The following DLX1 variants were observed in gnomAD, a reference collection of about 807,000 sequenced individuals.
The protein encoded by DLX1 is distal-less homeobox 1.
A neutral mutation model predicts 25.0 loss-of-function variants in DLX1; 7 were observed. The ratio of observed to expected loss-of-function variants is 0.28; its 90% CI spans 0.16 to 0.52. The LOEUF (loss-of-function observed/expected upper bound fraction) is 0.52, where lower values mean the gene tolerates loss of function less well. DLX1 is among the 20% of genes least tolerant of loss of function. DLX1 has a pLI of 0.96. For missense variants in DLX1, 233 were observed against 334.4 expected (o/e 0.70, Z 2.37); for synonymous variants, 155 against 140.3 (o/e 1.10, Z -0.74).
chr2:172,087,381 C>T (rs1370904132), intron 2 of DLX1: 1 of 398,542 alleles, frequency 2.5e-6, no homozygotes, highest in East Asian at 7.2e-5. Flanking sequence ...CTCCGGGGAG[C>T]CCGTGAGCGT....
At chr2:172,087,569 G>T (rs929385256) in intron 2 of DLX1, 4 of 466,016 alleles carry the variant, frequency 8.6e-6, no homozygotes, top group African/African-American at 4.0e-5. Flanking sequence ...GCATAGAAAA[G>T]TTGGGTCGCG....
chr2:172,087,982 C>A (rs772572784), intron 2 of DLX1, 21 bp from the exon 3 acceptor site: 1 of 1,505,194 alleles, frequency 6.6e-7, no homozygotes, highest in Non-Finnish European at 8.9e-7. Flanking sequence ...GCCTGAGTCA[C>A]GTTGTTGTCC....
At chr2:172,087,910 A>C in intron 2 of DLX1, 93 bp from the exon 3 acceptor site, 1 of 1,491,194 alleles carries the variant, frequency 6.7e-7, no homozygotes, top group East Asian at 2.3e-5. Flanking sequence ...GGGAGGTCCT[A>C]TCTCTGCTGT....
intron 2 of DLX1, 191 bp downstream of exon 2, chr2:172,087,044 C>G (rs570447850): frequency 2.4e-5 from 18 of 734,720 alleles, no homozygotes; most frequent in Non-Finnish European, 4.5e-5. Context: ...TCACTGCTCT[C>G]GGTATCCCGA....
rs1223602112 is a variant in DLX1 at position 172,088,994 on chromosome 2, A to T, written c.*737A>T. 1 of 152,216 alleles carries T rather than the reference A, an allele frequency of 6.6e-6. No individual in the cohort carries two copies. The highest frequency in any genetic ancestry group is 1.5e-5 in the Non-Finnish European group (1 of 68,032). The allele number at this position is 152,216 out of a possible 1,614,324, so 9.4% of individuals were successfully genotyped here. ...CGTGGTGATTTTTAATTTATACAGTAACTTTTGTACTTCTCTGGTATGGAG... is the reference window on the plus strand; with the variant it reads ...CGTGGTGATTTTTAATTTATACAGTTACTTTTGTACTTCTCTGGTATGGAG... On this transcript the variant is annotated 3_prime_UTR_variant, in exon 3 of 3. Transcript: ENST00000361725.
rs1368765943 is a variant in DLX1 at position 172,088,227 on chromosome 2, A to G, written c.738A>G (p.Gln246=). ...CATCGTGGTACCCTTCAGCGCACCA[A>G]GAAGCTATGCAGCAACCCCAACTTA... ...SYTSWYPSAH[Q]EAMQQPQLM is the part of the protein sequence containing the mutation. Residue 246 remains glutamine, a synonymous_variant, in exon 3 of 3, where the codon CAA becomes CAG. Coordinates refer to ENST00000361725, the MANE Select transcript of DLX1 (RefSeq NM_178120.5). 8 of 1,559,164 alleles carry G rather than the reference A, an allele frequency of 5.1e-6. No homozygotes were observed. Among genetic ancestry groups the G allele is most frequent in the Non-Finnish European group, 6.9e-6 (8 of 1,152,428 alleles).
rs1363724884 is a variant in DLX1, at chr2:172,088,480, G to A, written c.*223G>A. 1 of 482,854 alleles carries A rather than the reference G, an allele frequency of 2.1e-6. No individual in the cohort carries two copies. Among genetic ancestry groups the A allele is most frequent in the Non-Finnish European group, 3.3e-6 (1 of 303,662 alleles). The allele number at this position is 482,854 out of a possible 1,614,324, so 29.9% of individuals were successfully genotyped here. ...GGCCGAGCAGTGGCAGCAGAGAGTG[G>A]CCTCGGAGGGAAGCCACTGCCACCT... On this transcript the variant is annotated 3_prime_UTR_variant, in exon 3 of 3. Transcript: ENST00000361725.
intron 2 of DLX1, 26 bp downstream of exon 2, chr2:172,086,879 T>C (rs1690847412): frequency 1.9e-6 from 3 of 1,613,606 alleles, no homozygotes; most frequent in Non-Finnish European, 2.5e-6. Context: ...CGCTCCGTTC[T>C]GCCACGCAGG....
chr2:172,086,601 C>G, intron 1 of DLX1, 53 bp from the exon 2 acceptor site: 2 of 1,493,852 alleles, frequency 1.3e-6, no homozygotes, highest in South Asian at 2.7e-5. Flanking sequence ...GCTGTTCGCA[C>G]TAAAGGCGGC....
chr2:172,088,178 C>T lies in DLX1; in HGVS notation c.689C>T (p.Ala230Val), dbSNP rs1401140731. ...TCCGGGAAGGGCTCAGGAGGAAACG[C>T]GGGCTCCTATATCCCCAGCTACACA... ...SSSGKGSGGN[A>V]GSYIPSYTSW... Residue 230 changes from alanine to valine, a missense_variant, in exon 3 of 3, where the codon GCG becomes GTG. Physicochemically the swap from Ala to Val is moderately conservative, Grantham distance 64 (BLOSUM62 0). This residue lies in a region of DLX1 where 84 missense variants were observed against 81.8 expected (regional missense o/e 1.03). Coordinates refer to ENST00000361725, the MANE Select transcript of DLX1 (RefSeq NM_178120.5). 5.6e-6 allele frequency: 9 copies of T among 1,609,780 alleles called. No homozygotes were observed. The highest frequency in any genetic ancestry group is 7.6e-6 in the Non-Finnish European group (9 of 1,177,890).
In DLX1 at chr2:172,088,415, A is replaced by G. The variant is rs1333467218; in HGVS notation, c.*158A>G. ...GGAGCCCCGCGAGGTCCGGCCCAGCAACTTCCCGGCATCCGCGCTCTAGCC... is the reference window on the plus strand; with the variant it reads ...GGAGCCCCGCGAGGTCCGGCCCAGCGACTTCCCGGCATCCGCGCTCTAGCC... On this transcript the variant is annotated 3_prime_UTR_variant, in exon 3 of 3. Coordinates refer to ENST00000361725, the MANE Select transcript of DLX1 (RefSeq NM_178120.5). The G allele has an allele frequency of 4.0e-5, 39 of 978,016 alleles. No individual in the cohort carries two copies. Among genetic ancestry groups the G allele is most frequent in the Non-Finnish European group, 4.7e-5 (34 of 730,260 alleles). The allele number at this position is 978,016 out of a possible 1,614,324, so 60.6% of individuals were successfully genotyped here.
At chr2:172,086,511 C>G (rs145545654) in intron 1 of DLX1, 143 bp from the exon 2 acceptor site, 2 of 822,778 alleles carry the variant, frequency 2.4e-6, no homozygotes, top group Non-Finnish European at 3.7e-6. Context: ...TTTGGGGGAC[C>G]CTTCCCTGGC....
intron 1 of DLX1, 166 bp from the exon 2 acceptor site, chr2:172,086,488 C>T: frequency 1.5e-6 from 1 of 646,752 alleles, no homozygotes. Context: ...CGTCCCGGGA[C>T]AGGCCCTCGG....
At position 172,085,517 on chromosome 2, in the gene DLX1, T is replaced by C. The variant is rs1690819047; in HGVS notation, c.-161T>C. ...GAGTTTGGGGAGCTCAGCAGCATCA[T>C]GCTTAGACTTTTCAAAGAGACAAAC... On this transcript the variant is annotated 5_prime_UTR_variant, in exon 1 of 3. An upstream start codon of the reference 5' UTR is lost. Transcript: ENST00000361725. This position sits in a 1 kb window ranked among gnomAD's most constrained non-coding sequence, Gnocchi z 4.3. The C allele has an allele frequency of 4.1e-6, 3 of 726,530 alleles. No individual in the cohort carries two copies. The highest frequency in any genetic ancestry group is 1.9e-5 in the South Asian group (1 of 53,470). 45.0% of individuals were successfully genotyped at this position (726,530 alleles called of 1,614,324 possible). A position where few individuals can be genotyped will look rare whatever the true frequency, so the allele number is the denominator to read the frequency against.
rs2105517909 is a variant in DLX1 at position 172,085,602 on chromosome 2, T to A, written c.-76T>A. Reference sequence around the variant, plus strand: ...GTTCCGCTTAAATTGGGTTCCTTCCTGTCCTGAGAAACATAGAGACCCCCA... The same window carrying A: ...GTTCCGCTTAAATTGGGTTCCTTCCAGTCCTGAGAAACATAGAGACCCCCA... On this transcript the variant is annotated 5_prime_UTR_variant, in exon 1 of 3. Coordinates refer to ENST00000361725, the MANE Select transcript of DLX1 (RefSeq NM_178120.5). This position sits in a 1 kb window ranked among gnomAD's most constrained non-coding sequence, Gnocchi z 4.3. 5 of 1,474,138 alleles carry A rather than the reference T, an allele frequency of 3.4e-6. No homozygotes were observed. In the East Asian group the frequency reaches 1.1e-4, roughly 33 times the overall value. 91.3% of individuals were successfully genotyped at this position (1,474,138 alleles called of 1,614,324 possible).
In DLX1 at chr2:172,088,389, C is replaced by G. The variant is rs950692693; in HGVS notation, c.*132C>G. 2.5e-6 allele frequency: 3 copies of G among 1,218,094 alleles called. No homozygotes were observed. Among genetic ancestry groups the G allele is most frequent in the Non-Finnish European group, 2.1e-6 (2 of 935,442 alleles). The allele number at this position is 1,218,094 out of a possible 1,614,324, so 75.5% of individuals were successfully genotyped here. On this transcript the variant is annotated 3_prime_UTR_variant, in exon 3 of 3. Transcript: ENST00000361725. ...GGAGGCGGGACGCCCTCCATCTCCT[C>G]GGAGCCCCGCGAGGTCCGGCCCAGC...
rs758150939 is a variant in DLX1, at chr2:172,085,912, G to T, written c.235G>T (p.Ala79Ser). ...YPYVNSVSSH[A>S]SSPYISSVQS... ...CTACGTCAACTCGGTCAGCAGCCAC[G>T]CATCCAGCCCCTACATCAGTTCGGT... The change falls in exon 1 of 3, where the codon GCA (alanine) becomes TCA (serine). Residue 79 changes from alanine to serine, a missense_variant. By Grantham distance (99) the Ala-to-Ser change is moderately conservative (BLOSUM62 1). This residue lies in a region of DLX1 where 126 missense variants were observed against 170.4 expected (regional missense o/e 0.74). Transcript: ENST00000361725. The surrounding 1 kb of genome is among the most constrained non-coding windows in gnomAD (Gnocchi z 4.3). 1 of 1,614,162 alleles carries T rather than the reference G, an allele frequency of 6.2e-7. No homozygotes were observed. Among genetic ancestry groups the T allele is most frequent in the Non-Finnish European group, 8.5e-7 (1 of 1,180,030 alleles).
chr2:172,085,855 G>C lies in DLX1; in HGVS notation c.178G>C (p.Ala60Pro). 1 of 1,614,214 alleles carries C rather than the reference G, an allele frequency of 6.2e-7. No individual in the cohort carries two copies. Among genetic ancestry groups the C allele is most frequent in the South Asian group, 1.1e-5 (1 of 91,086 alleles). Residue 60 changes from alanine to proline, a missense_variant, in exon 1 of 3, where the codon GCC becomes CCC. Coordinates refer to ENST00000361725, the MANE Select transcript of DLX1 (RefSeq NM_178120.5). This position sits in a 1 kb window ranked among gnomAD's most constrained non-coding sequence, Gnocchi z 4.3. ...HSQPDGAYSS[A>P]SSFSRPLGYP... is the part of the protein sequence containing the mutation. ...GCAGCCCGACGGCGCCTACAGCTCA[G>C]CCTCGTCCTTCTCCCGACCGCTGGG...
rs962211602 is a variant in DLX1, at chr2:172,087,444, G to T, written c.514-559G>T. 143 of 450,108 alleles carry T rather than the reference G, an allele frequency of 3.2e-4. 1 individual carries two copies. The highest frequency in any genetic ancestry group is 2.2e-3 in the South Asian group (141 of 64,196). 27.9% of individuals were successfully genotyped at this position (450,108 alleles called of 1,614,324 possible). A position where few individuals can be genotyped will look rare whatever the true frequency, so the allele number is the denominator to read the frequency against. The stretch of plus-strand genomic sequence containing the variant: ...GACGTCCGGTCCGGGATTTGGAGCA[G>T]AGCTGGAGAAAGCAAACAGACACTA... On this transcript the variant is annotated intron_variant, in intron 2 of 2. Coordinates refer to ENST00000361725, the MANE Select transcript of DLX1 (RefSeq NM_178120.5).
Sources: allele counts gnomAD v4.1 joint callset, GRCh38; gene constraint gnomAD v4.1.1; regional missense constraint gnomAD v4.1.1; non-coding constraint Gnocchi (gnomAD v3.1); transcripts MANE v1.5; gene names NCBI Gene and HGNC (gene_info 2026-07-23, HGNC 2026-07-21).